Variants in SRGAP2C observed in about 807,000 individuals in gnomAD.
SRGAP2C encodes SLIT-ROBO Rho GTPase activating protein 2C, also known as SLIT-ROBO Rho GTPase-activating protein 2C.
In SRGAP2C, 15 loss-of-function variants were observed where a neutral mutation model predicts 25.1. The observed-to-expected ratio is 0.60, with a 90% CI of 0.40 to 0.92. SRGAP2C has a LOEUF of 0.92. SRGAP2C is among the 40% of genes least tolerant of loss of function. The probability of loss-of-function intolerance (pLI) is 0.00; values close to 1 mark genes in which losing one functional copy is unlikely to be tolerated. For synonymous variants in SRGAP2C, 44 were observed against 96.6 expected (o/e 0.46, Z 3.19); for missense variants, 144 against 264.4 (o/e 0.54, Z 3.16).
intron 2 of SRGAP2C, among the ~76,000 whole-genome samples, chr1:121,232,960 T>C (rs1432362428): frequency 1.5e-5 from 2 of 134,794 alleles, no homozygotes; most frequent in Non-Finnish European, 3.2e-5. Flanking sequence ...GCTGGGCTAG[T>C]GGAGTTTCTG....
At chr1:121,367,191 C>T (rs1425987878) in intron 5 of SRGAP2C, among the ~76,000 whole-genome samples, 1 of 151,876 alleles carries the variant, frequency 6.6e-6, no homozygotes, top group Non-Finnish European at 1.5e-5. Flanking sequence ...AGCTGGAATA[C>T]ACCTTCATAA....
chr1:121,272,477 C>T (rs1205834356), intron 2 of SRGAP2C, among the ~76,000 whole-genome samples: 3 of 151,840 alleles, frequency 2.0e-5, no homozygotes, highest in East Asian at 1.9e-4. Context: ...CTGCTATTGC[C>T]TTCAAGAAGA....
chr1:121,375,449 C>T (rs1191425154), intron 7 of SRGAP2C, among the ~76,000 whole-genome samples: 3 of 150,172 alleles, frequency 2.0e-5, no homozygotes, highest in African/African-American at 4.9e-5. Flanking sequence ...TCAGCCTCCC[C>T]AGTAACTGGG....
chr1:121,332,716 C>CA (rs1658457852), intron 4 of SRGAP2C, among the ~76,000 whole-genome samples: 4 of 75,502 alleles, frequency 5.3e-5, no homozygotes, highest in African/African-American at 2.2e-4. Context: ...TGTTTGGTAT[C>CA]CGTTTGGACT....
intron 3 of SRGAP2C, among the ~76,000 whole-genome samples, chr1:121,323,428 C>T (rs1289623392): frequency 6.6e-6 from 1 of 151,186 alleles, no homozygotes; most frequent in African/African-American, 2.4e-5. Flanking sequence ...TCAGCATGGT[C>T]AACATGGTGA....
At chr1:121,328,864 G>A (rs1483847267) in intron 4 of SRGAP2C, among the ~76,000 whole-genome samples, 1 of 142,372 alleles carries the variant, frequency 7.0e-6, no homozygotes. Context: ...TCTAGCTTGA[G>A]TAACAGAGCC....
intron 3 of SRGAP2C, among the ~76,000 whole-genome samples, chr1:121,304,056 A>C (rs1177517547): frequency 1.3e-5 from 2 of 151,480 alleles, no homozygotes; most frequent in African/African-American, 2.4e-5. Context: ...ATACAAAAAA[A>C]AAAAATTAGC....
chr1:121,292,026 G>A (rs1349481037), intron 3 of SRGAP2C, among the ~76,000 whole-genome samples: 1 of 138,502 alleles, frequency 7.2e-6, no homozygotes, highest in Admixed American at 7.3e-5. Context: ...ATGTGGGGTA[G>A]GTAGGTTCTA....
At chr1:121,212,169 C>T (rs28478012) in intron 2 of SRGAP2C, among the ~76,000 whole-genome samples, 48,230 of 93,440 alleles carry the variant, frequency 0.52, 9,981 homozygotes, top group East Asian at 0.69. Context: ...CTCGCTCTGT[C>T]GCCCAGGCTG....
intron 2 of SRGAP2C, among the ~76,000 whole-genome samples, chr1:121,207,961 G>A (rs1300917853): frequency 1.3e-5 from 2 of 151,930 alleles, no homozygotes; most frequent in Admixed American, 6.6e-5. Context: ...CAGAGGCTTG[G>A]GTACCAGTGG....
chr1:121,334,409 G>T (rs1658468718), intron 4 of SRGAP2C, among the ~76,000 whole-genome samples: 1 of 147,002 alleles, frequency 6.8e-6, no homozygotes, highest in Non-Finnish European at 1.5e-5. Context: ...AATCAGCTGT[G>T]GTTCTTAGGT....
At chr1:121,204,248 C>G (rs1373401022) in intron 2 of SRGAP2C, among the ~76,000 whole-genome samples, 2 of 151,812 alleles carry the variant, frequency 1.3e-5, no homozygotes, top group Non-Finnish European at 2.9e-5. Context: ...AGGGAAGATA[C>G]ATGTATATTT....
intron 2 of SRGAP2C, among the ~76,000 whole-genome samples, chr1:121,208,777 A>G (rs1655179170): frequency 6.6e-6 from 1 of 152,200 alleles, no homozygotes; most frequent in Non-Finnish European, 1.5e-5. Context: ...TATTGGATGA[A>G]TGAATGAACG....
intron 8 of SRGAP2C, among the ~76,000 whole-genome samples, chr1:121,383,534 G>T (rs1253128882): frequency 1.5e-5 from 2 of 132,764 alleles, no homozygotes; most frequent in African/African-American, 5.6e-5. Context: ...GGAAGGAAAG[G>T]AGCTAAGATG....
chr1:121,279,061 G>T (rs1364653328), intron 2 of SRGAP2C, among the ~76,000 whole-genome samples: 1 of 151,910 alleles, frequency 6.6e-6, no homozygotes, highest in Non-Finnish European at 1.5e-5. Context: ...AAAAAGACTG[G>T]CAGTCAGACC....
intron 4 of SRGAP2C, among the ~76,000 whole-genome samples, chr1:121,356,924 T>C (rs1553347727): frequency 6.6e-6 from 1 of 151,980 alleles, no homozygotes; most frequent in African/African-American, 2.4e-5. Flanking sequence ...CAGATTATTA[T>C]AGGACTGTGT....
At chr1:121,289,421 G>A (rs1447456269) in intron 3 of SRGAP2C, among the ~76,000 whole-genome samples, 3 of 151,846 alleles carry the variant, frequency 2.0e-5, no homozygotes, top group South Asian at 2.1e-4. Flanking sequence ...CCAAGCCCAC[G>A]CCCACCCGGA....
intron 2 of SRGAP2C, among the ~76,000 whole-genome samples, chr1:121,260,590 G>A (rs868988707): frequency 2.0e-4 from 29 of 146,664 alleles, no homozygotes; most frequent in African/African-American, 5.5e-4. Flanking sequence ...CATCTTTATC[G>A]TCTTCTGAAC....
intron 4 of SRGAP2C, among the ~76,000 whole-genome samples, chr1:121,334,476 G>T (rs1393077810): frequency 6.6e-6 from 1 of 150,388 alleles, no homozygotes; most frequent in Non-Finnish European, 1.5e-5. Flanking sequence ...TTGTTTGTTT[G>T]TTTTAAAGAG....
Sources: allele counts gnomAD v4.1 joint callset (sites outside exome capture counted in the v4.1 genomes callset), GRCh38; gene constraint gnomAD v4.1.1; transcripts MANE v1.5; gene names NCBI Gene and HGNC (gene_info 2026-07-23, HGNC 2026-07-21).